TRPV5: variants seen among roughly 807,000 people sequenced by gnomAD.
TRPV5 encodes calcium transport protein 2.
In TRPV5, 66 loss-of-function variants were observed where a neutral mutation model predicts 74.1. The ratio of observed to expected loss-of-function variants is 0.89; its 90% CI spans 0.73 to 1.09. The LOEUF (loss-of-function observed/expected upper bound fraction) is 1.09. TRPV5 is among the 50% of genes least tolerant of loss of function. The pLI is 0.00. For synonymous variants in TRPV5, 399 were observed against 360.7 expected (o/e 1.11, Z -1.20); for missense variants, 936 against 930.4 (o/e 1.01, Z -0.08).
chr7:142,924,279 T>TACATGTATATATATACATATATATATAC, intron 8 of TRPV5, among the ~76,000 whole-genome samples: 1 of 100,146 alleles, frequency 1.0e-5, no homozygotes, highest in African/African-American at 5.7e-5. Context: ...TATATATATA[T>TACATGTATATATATACATATATATATAC]ACATATACAT....
chr7:142,917,282 C>T (rs150604728), intron 8 of TRPV5, among the ~76,000 whole-genome samples: 79 of 152,106 alleles, frequency 5.2e-4, no homozygotes, highest in African/African-American at 1.9e-3. Flanking sequence ...GGATAAATAA[C>T]AAATACATTA....
chr7:142,928,923 T>TCCCCAC, intron 5 of TRPV5, 57 bp from the exon 6 acceptor site: 1 of 1,611,870 alleles, frequency 6.2e-7, no homozygotes. Flanking sequence ...GATGTCCCCA[T>TCCCCAC]CCCCACTCTG....
intron 8 of TRPV5, 134 bp from the exon 9 acceptor site, chr7:142,915,702 T>C: frequency 3.9e-6 from 3 of 775,078 alleles, no homozygotes; most frequent in Middle Eastern, 3.6e-4. Context: ...CCCACCCCCA[T>C]TGTACTTGCC....
At chr7:142,929,636 C>A in intron 3 of TRPV5, 71 bp from the exon 4 acceptor site, 1 of 1,582,180 alleles carries the variant, frequency 6.3e-7, no homozygotes, top group East Asian at 2.3e-5. Context: ...GCATCCCCCA[C>A]CATCCCTCTC....
intron 8 of TRPV5, among the ~76,000 whole-genome samples, chr7:142,917,666 G>A (rs892459731): frequency 6.6e-6 from 1 of 152,200 alleles, no homozygotes; most frequent in African/African-American, 2.4e-5. Context: ...AATGAGTAAT[G>A]GAGGTGTTCA....
chr7:142,930,326 A>G, intron 2 of TRPV5, 23 bp downstream of exon 2: 1 of 1,611,810 alleles, frequency 6.2e-7, no homozygotes, highest in East Asian at 2.2e-5. Flanking sequence ...CCCCACCTCC[A>G]TCCCATTAAA....
Position 142,933,489 on chromosome 7 carries a change from T to C in TRPV5, c.-30A>G, listed in dbSNP as rs1796133037. The C allele has an allele frequency of 6.2e-7, 1 of 1,603,954 alleles. No homozygotes were observed. The highest frequency in any genetic ancestry group is 1.3e-5 in the African/African-American group (1 of 74,360). Reference sequence around the variant, plus strand: ...TCTCCTTGCAGACACTGGCAGATTATAGAAATGTGGCGAAAGAAACAGGTC... The same window carrying C: ...TCTCCTTGCAGACACTGGCAGATTACAGAAATGTGGCGAAAGAAACAGGTC... On this transcript the variant is annotated 5_prime_UTR_variant, in exon 1 of 15. Coordinates refer to ENST00000265310, the MANE Select transcript of TRPV5 (RefSeq NM_019841.7).
intron 10 of TRPV5, 125 bp from the exon 11 acceptor site, chr7:142,915,171 A>G (rs1260533795): frequency 1.4e-5 from 21 of 1,512,976 alleles, no homozygotes; most frequent in Non-Finnish European, 1.6e-5. Context: ...ACGCACATAC[A>G]GTTACACCTA....
intron 12 of TRPV5, 124 bp from the exon 13 acceptor site, chr7:142,912,874 A>ATCTATC: frequency 9.1e-7 from 1 of 1,101,022 alleles, no homozygotes; most frequent in East Asian, 2.5e-5. Context: ...CTATCTATCT[A>ATCTATC]TCTATCTAAA....
chr7:142,928,781 T>A lies in TRPV5; in HGVS notation c.672A>T (p.Gly224=), dbSNP rs746600331. 1 of 1,614,032 alleles carries A rather than the reference T, an allele frequency of 6.2e-7. No homozygotes were observed. Among genetic ancestry groups the A allele is most frequent in the Non-Finnish European group, 8.5e-7 (1 of 1,180,010 alleles). The change falls in exon 6 of 15, where the codon GGA becomes GGT. Residue 224 remains glycine (G), a synonymous_variant. Coordinates refer to ENST00000265310, the MANE Select transcript of TRPV5 (RefSeq NM_019841.7). ...QMYNLLLSYD[G]HGDHLQPLDL... Reference sequence around the variant, plus strand: ...CCAGGGGCTGCAGGTGGTCCCCATGTCCATCATAGGACAGCAGCAGGTTGT... The same window carrying A: ...CCAGGGGCTGCAGGTGGTCCCCATGACCATCATAGGACAGCAGCAGGTTGT...
chr7:142,928,909 C>T (rs763765899), intron 5 of TRPV5, 43 bp from the exon 6 acceptor site: 6 of 1,611,812 alleles, frequency 3.7e-6, no homozygotes, highest in East Asian at 2.2e-5. Context: ...GGCCTAAAGT[C>T]CCTGATGTCC....
At chr7:142,926,093 G>A (rs1465129360) in intron 7 of TRPV5, among the ~76,000 whole-genome samples, 2 of 152,182 alleles carry the variant, frequency 1.3e-5, no homozygotes, top group Admixed American at 6.5e-5. Context: ...AGATGTGGTT[G>A]GGGAGAGGGG....
chr7:142,930,291 G>T lies in TRPV5; in HGVS notation c.226+58C>A, dbSNP rs147816633. 1.0e-4 allele frequency: 161 copies of T among 1,609,104 alleles called. 1 individual carries two copies. In the East Asian group the frequency reaches 3.4e-3, roughly 34 times the overall value. On this transcript the variant is annotated intron_variant, in intron 2 of 14. Coordinates refer to ENST00000265310, the MANE Select transcript of TRPV5 (RefSeq NM_019841.7). The stretch of plus-strand genomic sequence containing the variant: ...CCCTATTTCACAAACTCGAAGTCTT[G>T]GGGAGGAGGAGTAGGTTCTTCTGCC...
intron 2 of TRPV5, 67 bp from the exon 3 acceptor site, chr7:142,930,247 C>T: frequency 6.2e-7 from 1 of 1,608,538 alleles, no homozygotes; most frequent in Non-Finnish European, 8.5e-7. Flanking sequence ...GCCTCAGGCT[C>T]CAGAGACACC....
intron 7 of TRPV5, among the ~76,000 whole-genome samples, chr7:142,926,275 G>A (rs1336329816): frequency 6.6e-6 from 1 of 152,192 alleles, no homozygotes; most frequent in Non-Finnish European, 1.5e-5. Context: ...TGCTCTAGAA[G>A]TATTATTGGG....
intron 13 of TRPV5, among the ~76,000 whole-genome samples, chr7:142,911,973 G>T (rs1351067022): frequency 6.6e-6 from 1 of 152,120 alleles, no homozygotes; most frequent in Non-Finnish European, 1.5e-5. Flanking sequence ...ACCTGAATTT[G>T]CAAGATAATA....
chr7:142,931,215 G>A (rs1053143766), intron 1 of TRPV5, among the ~76,000 whole-genome samples: 36 of 151,740 alleles, frequency 2.4e-4, no homozygotes, highest in African/African-American at 8.5e-4. Flanking sequence ...GTAGAGATGG[G>A]GTTTTGCCAT....
At chr7:142,923,365 A>T (rs1563374404) in intron 8 of TRPV5, among the ~76,000 whole-genome samples, 1 of 152,234 alleles carries the variant, frequency 6.6e-6, no homozygotes, top group Non-Finnish European at 1.5e-5. Flanking sequence ...GTGAAAACAG[A>T]ATCTTTCAAA....
At chr7:142,912,073 T>C (rs145987043) in intron 13 of TRPV5, among the ~76,000 whole-genome samples, 9 of 152,314 alleles carry the variant, frequency 5.9e-5, no homozygotes, top group African/African-American at 2.2e-4. Flanking sequence ...TTGAGGGCCA[T>C]TGAGGGTCAC....
Sources: allele counts gnomAD v4.1 joint callset (sites outside exome capture counted in the v4.1 genomes callset), GRCh38; gene constraint gnomAD v4.1.1; transcripts MANE v1.5; gene names NCBI Gene and HGNC (gene_info 2026-07-23, HGNC 2026-07-21).